COG5: variants seen among roughly 807,000 people sequenced by gnomAD.
The protein encoded by COG5 is component of oligomeric golgi complex 5, also known as conserved oligomeric Golgi complex subunit 5.
COG5 carries 86 observed loss-of-function variants against 110.4 expected under a neutral mutation model. The observed-to-expected ratio is 0.78, with a 90% CI of 0.65 to 0.93. The LOEUF (loss-of-function observed/expected upper bound fraction) is 0.93. Ranked by LOEUF, COG5 falls within the 40% of genes least tolerant of loss-of-function variation. COG5 has a pLI of 0.00. For synonymous variants in COG5, 360 were observed against 334.6 expected (o/e 1.08, Z -0.83); for missense variants, 1,077 against 987.0 (o/e 1.09, Z -1.22).
intron 16 of COG5, among the ~76,000 whole-genome samples, chr7:107,256,330 C>G (rs1053702036): frequency 6.6e-6 from 1 of 152,104 alleles, no homozygotes; most frequent in Non-Finnish European, 1.5e-5. Flanking sequence ...CCTCTACTCA[C>G]TAGATGCCAG....
At chr7:107,251,587 T>C (rs1368197632) in intron 16 of COG5, among the ~76,000 whole-genome samples, 1 of 152,110 alleles carries the variant, frequency 6.6e-6, no homozygotes, top group Non-Finnish European at 1.5e-5. Context: ...CAAAAGTAAT[T>C]AGAAATTTTA....
At chr7:107,475,256 C>G in intron 6 of COG5, 1 of 1,600,678 alleles carries the variant, frequency 6.2e-7, no homozygotes, top group Non-Finnish European at 8.6e-7. Context: ...CCTAATAATG[C>G]TGTAATACAC....
chr7:107,206,790 C>G (rs150693589), intron 21 of COG5, among the ~76,000 whole-genome samples: 307 of 152,272 alleles, frequency 2.0e-3, no homozygotes, highest in African/African-American at 7.2e-3. Context: ...AAAACACCAT[C>G]AGAAGTATGG....
At chr7:107,278,594 A>G (rs1804894743) in intron 14 of COG5, among the ~76,000 whole-genome samples, 1 of 152,164 alleles carries the variant, frequency 6.6e-6, no homozygotes, top group South Asian at 2.1e-4. Flanking sequence ...TGCAAAGGAC[A>G]TGAACTCATC....
intron 7 of COG5, among the ~76,000 whole-genome samples, chr7:107,395,054 G>C (rs1366045896): frequency 9.2e-5 from 14 of 152,164 alleles, no homozygotes; most frequent in Admixed American, 9.2e-4. Flanking sequence ...TCTGACTTAT[G>C]ATAAAGACTT....
At chr7:107,396,127 T>G (rs992171365) in intron 7 of COG5, among the ~76,000 whole-genome samples, 2 of 152,222 alleles carry the variant, frequency 1.3e-5, no homozygotes, top group African/African-American at 4.8e-5. Flanking sequence ...GTAACACTTT[T>G]TCTGGAGATA....
chr7:107,404,387 A>C (rs1163564401), intron 7 of COG5, among the ~76,000 whole-genome samples: 4 of 152,250 alleles, frequency 2.6e-5, no homozygotes, highest in African/African-American at 9.6e-5. Flanking sequence ...ATAGTACTTC[A>C]AAGTTAAAAT....
intron 6 of COG5, among the ~76,000 whole-genome samples, chr7:107,496,085 C>A (rs1798255710): frequency 6.6e-6 from 1 of 151,630 alleles, no homozygotes; most frequent in Non-Finnish European, 1.5e-5. Flanking sequence ...CCCAGTTGGA[C>A]CGAACATTTA....
chr7:107,492,510 A>G (rs1352035594), intron 6 of COG5, among the ~76,000 whole-genome samples: 1 of 152,002 alleles, frequency 6.6e-6, no homozygotes, highest in African/African-American at 2.4e-5. Flanking sequence ...TTCCCTGGTC[A>G]TTTAGGTTGC....
In COG5 at chr7:107,499,751, G is replaced by A. The variant is rs117230757; in HGVS notation, c.538+27486C>T. The stretch of plus-strand genomic sequence containing the variant: ...AGAATGGAATGTTAAAGAGGGAACT[G>A]GAGTCTGTTAATTCAGTGCAAATAG... On this transcript the variant is annotated intron_variant, in intron 6 of 21. Transcript: ENST00000297135. 1.3e-4 allele frequency among the ~76,000 whole-genome samples: 20 copies of A among 152,202 alleles called. No homozygotes were observed. In the East Asian group the frequency reaches 3.3e-3, roughly 25 times the overall value.
At chr7:107,491,822 A>G (rs10085577) in intron 6 of COG5, among the ~76,000 whole-genome samples, 9,268 of 152,144 alleles carry the variant, frequency 0.061, 722 homozygotes, top group African/African-American at 0.18. Context: ...TCTTGAATAA[A>G]TATATTCTTC....
At chr7:107,221,273 C>G (rs1799906100) in intron 19 of COG5, among the ~76,000 whole-genome samples, 1 of 151,808 alleles carries the variant, frequency 6.6e-6, no homozygotes, top group Non-Finnish European at 1.5e-5. Context: ...GTGAGAAGAC[C>G]CCAGGGGTGG....
Position 107,495,454 on chromosome 7 carries a change from C to T in COG5, c.538+31783G>A, listed in dbSNP as rs528760203. On this transcript the variant is annotated intron_variant, in intron 6 of 21. Coordinates refer to ENST00000297135, the MANE Select transcript of COG5 (RefSeq NM_006348.5). Reference sequence around the variant, plus strand: ...GTTCTACAGGCTAGAACAAAAACAACATGAGCAATCCTCAGAGAACATAAC... The same window carrying T: ...GTTCTACAGGCTAGAACAAAAACAATATGAGCAATCCTCAGAGAACATAAC... 3.9e-5 allele frequency among the ~76,000 whole-genome samples: 6 copies of T among 152,208 alleles called. No individual in the cohort carries two copies. In the East Asian group the frequency reaches 9.7e-4, roughly 25 times the overall value.
intron 10 of COG5, among the ~76,000 whole-genome samples, chr7:107,338,123 T>C (rs1363637017): frequency 2.0e-5 from 3 of 151,986 alleles, no homozygotes; most frequent in South Asian, 2.1e-4. Flanking sequence ...GAAATCTCAA[T>C]GGCATTTTTA....
chr7:107,415,784 A>G (rs183979180), intron 6 of COG5, among the ~76,000 whole-genome samples: 1 of 140,894 alleles, frequency 7.1e-6, no homozygotes, highest in East Asian at 2.1e-4. Context: ...ACACACACAT[A>G]CACGTATGTA....
chr7:107,381,515 C>G lies in COG5; in HGVS notation c.670-8755G>C, dbSNP rs1274160319. 2.6e-5 allele frequency among the ~76,000 whole-genome samples: 4 copies of G among 152,300 alleles called. No homozygotes were observed. The East Asian group carries it at 5.8e-4, about 22-fold the overall frequency. ...AACCATAGAGATAACCAAACTTCGTCAATTGTGTTTGAACTGTACCCTGGA... is the reference window on the plus strand; with the variant it reads ...AACCATAGAGATAACCAAACTTCGTGAATTGTGTTTGAACTGTACCCTGGA... On this transcript the variant is annotated intron_variant, in intron 7 of 21. Coordinates refer to ENST00000297135, the MANE Select transcript of COG5 (RefSeq NM_006348.5).
intron 6 of COG5, among the ~76,000 whole-genome samples, chr7:107,434,925 A>G (rs917556763): frequency 3.3e-5 from 5 of 151,880 alleles, no homozygotes; most frequent in Admixed American, 6.6e-5. Context: ...AGCTGAGATC[A>G]TGCCACTGCA....
At chr7:107,280,154 T>C (rs924022634) in intron 14 of COG5, among the ~76,000 whole-genome samples, 2 of 152,052 alleles carry the variant, frequency 1.3e-5, no homozygotes, top group South Asian at 2.1e-4. Flanking sequence ...TAAACAAAGA[T>C]TGAGAGAAAA....
At chr7:107,207,982 C>T in intron 21 of COG5, 1 of 985,440 alleles carries the variant, frequency 1.0e-6, no homozygotes, top group Non-Finnish European at 1.2e-6. Flanking sequence ...GAAGCTAAAA[C>T]AAATTTACTG....
Sources: gnomAD v4.1 joint callset for allele counts (sites outside exome capture counted in the v4.1 genomes callset) on GRCh38, gnomAD v4.1.1 for gene constraint, MANE v1.5 for transcripts, NCBI Gene and HGNC (gene_info 2026-07-23, HGNC 2026-07-21) for gene names.